Variants in MYO3B observed in about 807,000 individuals in gnomAD.
MYO3B encodes the protein myosin IIIB, also known as myosin-IIIb.
In MYO3B, 156 loss-of-function variants were observed where a neutral mutation model predicts 174.6. That is an observed-to-expected ratio of 0.89 (90% CI 0.78 to 1.02). MYO3B has a LOEUF of 1.02. MYO3B is among the 50% of genes least tolerant of loss of function. The probability of loss-of-function intolerance (pLI) is 0.00; values close to 1 mark genes in which losing one functional copy is unlikely to be tolerated. For synonymous variants in MYO3B, 563 were observed against 569.1 expected (o/e 0.99, Z 0.15); for missense variants, 1,632 against 1,639.4 (o/e 1.00, Z 0.08).
rs142558022 is a variant in MYO3B, at chr2:170,268,672, A to C, written c.749+32536A>C. 2.2e-3 allele frequency among the ~76,000 whole-genome samples: 333 copies of C among 152,286 alleles called. 1 individual carries two copies. Among genetic ancestry groups the C allele is most frequent in the African/African-American group, 7.3e-3 (303 of 41,564 alleles). ...GTCCTATAGTTGTCTAGTTGGAAAA[A>C]CACATAAAACTGATAAATAATGTGA... On this transcript the variant is annotated intron_variant, in intron 7 of 34. Coordinates refer to ENST00000408978, the MANE Select transcript of MYO3B (RefSeq NM_138995.5).
intron 32 of MYO3B, among the ~76,000 whole-genome samples, chr2:170,610,196 C>T (rs910155817): frequency 2.0e-5 from 3 of 152,088 alleles, no homozygotes; most frequent in African/African-American, 4.8e-5. Context: ...CAAAATTAGA[C>T]GGGCATGGTG....
intron 22 of MYO3B, among the ~76,000 whole-genome samples, chr2:170,418,195 G>A (rs915718320): frequency 6.6e-6 from 1 of 152,216 alleles, no homozygotes; most frequent in African/African-American, 2.4e-5. Context: ...GAGCTAGGGA[G>A]CCCTGGTTTC....
intron 30 of MYO3B, among the ~76,000 whole-genome samples, chr2:170,531,999 C>A (rs969930931): frequency 6.6e-6 from 1 of 152,120 alleles, no homozygotes; most frequent in African/African-American, 2.4e-5. Flanking sequence ...AGTAAGTCCC[C>A]ATAAGAAACT....
intron 16 of MYO3B, among the ~76,000 whole-genome samples, chr2:170,395,539 T>C (rs920691671): frequency 2.0e-5 from 3 of 152,042 alleles, no homozygotes; most frequent in Admixed American, 6.5e-5. Context: ...TGAAGAGAGA[T>C]TGAAGGATTA....
At chr2:170,608,250 T>G (rs1453133265) in intron 32 of MYO3B, among the ~76,000 whole-genome samples, 1 of 152,218 alleles carries the variant, frequency 6.6e-6, no homozygotes, top group African/African-American at 2.4e-5. Flanking sequence ...TGGGAGCATA[T>G]GGGTTCTGGG....
chr2:170,316,027 G>C (rs1210396696), intron 7 of MYO3B, among the ~76,000 whole-genome samples: 2 of 152,202 alleles, frequency 1.3e-5, no homozygotes, highest in African/African-American at 4.8e-5. Flanking sequence ...TGATTCCAAA[G>C]CTGATTTAGT....
rs551862643 is a variant in MYO3B, at chr2:170,481,226, C to G, written c.3014+14515C>G. ...CACCTGTAGCTACATAGATGAGAGT[C>G]TGATATAAACAGATCTTAATGTGTC... is the stretch of plus-strand genomic sequence containing the variant. On this transcript the variant is annotated intron_variant, in intron 25 of 34. Transcript: ENST00000408978. 5.9e-5 allele frequency among the ~76,000 whole-genome samples: 9 copies of G among 152,306 alleles called. 1 individual carries two copies. The South Asian group carries it at 1.7e-3, about 28-fold the overall frequency.
rs568384748 is a variant in MYO3B, at chr2:170,499,483, A to C, written c.3127-163A>C. 7.2e-5 allele frequency among the ~76,000 whole-genome samples: 11 copies of C among 152,272 alleles called. No individual in the cohort carries two copies. In the South Asian group the frequency reaches 2.3e-3, roughly 32 times the overall value. Reference sequence around the variant, plus strand: ...AGGATTGGCTCAATCTTAGAAGGAGAATTGTATTTACCTCCATGAAGTCAG... The same window carrying C: ...AGGATTGGCTCAATCTTAGAAGGAGCATTGTATTTACCTCCATGAAGTCAG... On this transcript the variant is annotated intron_variant, in intron 26 of 34. Coordinates refer to ENST00000408978, the MANE Select transcript of MYO3B (RefSeq NM_138995.5).
At chr2:170,350,713 A>G (rs1419180764) in intron 8 of MYO3B, 2 of 152,230 alleles carry the variant, frequency 1.3e-5, no homozygotes, top group Non-Finnish European at 2.9e-5. Context: ...CACGTCTCAC[A>G]GATGTTAATT....
rs757266209 is a variant in MYO3B, at chr2:170,369,273, C to A, written c.867C>A (p.Asp289Glu). 15 of 1,613,652 alleles carry A rather than the reference C, an allele frequency of 9.3e-6. No individual in the cohort carries two copies. The highest frequency in any genetic ancestry group is 1.3e-5 in the Non-Finnish European group (15 of 1,179,688). ...GACCTTCCGTCACACATCTCCTTGA[C>A]CACCCATTTATTAAAGGAGTACATG... is the stretch of plus-strand genomic sequence containing the variant. ...ERRPSVTHLLDHPFIKGVHGK... is the reference protein window; with the variant it reads ...ERRPSVTHLLEHPFIKGVHGK... The change falls in exon 9 of 35, where the codon GAC becomes GAA. Residue 289 changes from aspartate (D) to glutamate (E), a missense_variant. Physicochemically the swap from Asp to Glu is conservative, Grantham distance 45. Transcript: ENST00000408978.
intron 20 of MYO3B, among the ~76,000 whole-genome samples, 180 bp from the exon 21 acceptor site, chr2:170,405,365 A>G (rs1268156723): frequency 6.6e-6 from 1 of 152,192 alleles, no homozygotes; most frequent in Non-Finnish European, 1.5e-5. Context: ...ATGCTACACA[A>G]CTAAGCAAGG....
In MYO3B at chr2:170,638,024, T is replaced by A. The variant is rs1387988306; in HGVS notation, c.3734-13604T>A. On this transcript the variant is annotated intron_variant, in intron 32 of 34. Transcript: ENST00000408978. The stretch of plus-strand genomic sequence containing the variant: ...TTATTAATTAAATGCAAGAAAAAAA[T>A]TATATTTGTGATTTTATTTTGGTCT... Among the ~76,000 whole-genome samples the A allele has an allele frequency of 2.0e-5, 3 of 151,944 alleles. No homozygotes were observed. The East Asian group carries it at 5.8e-4, about 29-fold the overall frequency.
chr2:170,419,923 G>A (rs1475935708), intron 22 of MYO3B, among the ~76,000 whole-genome samples: 2 of 152,156 alleles, frequency 1.3e-5, no homozygotes, highest in African/African-American at 4.8e-5. Context: ...GGTGGCTCAC[G>A]CCTGTCATCC....
chr2:170,646,396 G>GT (rs978695950), intron 32 of MYO3B, among the ~76,000 whole-genome samples: 2 of 151,382 alleles, frequency 1.3e-5, no homozygotes, highest in African/African-American at 4.9e-5. Context: ...TTTTTTCTGG[G>GT]TTTTTTTCTT....
At chr2:170,505,808 G>A (rs1575088667) in intron 28 of MYO3B, among the ~76,000 whole-genome samples, 1 of 152,234 alleles carries the variant, frequency 6.6e-6, no homozygotes, top group African/African-American at 2.4e-5. Flanking sequence ...CTTCTCCCAG[G>A]AGGAGTGGTC....
At chr2:170,651,512 A>T in intron 32 of MYO3B, 116 bp from the exon 33 acceptor site, 1 of 750,232 alleles carries the variant, frequency 1.3e-6, no homozygotes, top group South Asian at 1.6e-5. Flanking sequence ...AGCTTTTAAT[A>T]TGCCCATTAA....
chr2:170,366,371 G>T (rs1427899702), intron 8 of MYO3B, among the ~76,000 whole-genome samples: 1 of 152,046 alleles, frequency 6.6e-6, no homozygotes, highest in East Asian at 1.9e-4. Flanking sequence ...TGGGATCATA[G>T]CTCACTGCAA....
At chr2:170,299,346 G>C (rs73012858) in intron 7 of MYO3B, among the ~76,000 whole-genome samples, 176 of 152,226 alleles carry the variant, frequency 1.2e-3, no homozygotes, top group African/African-American at 4.0e-3. Context: ...CTTTTTTAGG[G>C]CCATCCTTGC....
intron 23 of MYO3B, 92 bp downstream of exon 23, chr2:170,444,138 T>A (rs4667639): frequency 0.47 from 527,743 of 1,123,442 alleles, 125,357 homozygotes; most frequent in Admixed American, 0.55. Context: ...AGTTCCCTTC[T>A]AGCAGCCCTC....
Sources: gnomAD v4.1 joint callset for allele counts (sites outside exome capture counted in the v4.1 genomes callset) on GRCh38, gnomAD v4.1.1 for gene constraint, MANE v1.5 for transcripts, NCBI Gene and HGNC (gene_info 2026-07-23, HGNC 2026-07-21) for gene names.